The following MTRR variants were observed in gnomAD, a reference collection of about 807,000 sequenced individuals.
MTRR encodes the protein 5-methyltetrahydrofolate-homocysteine methyltransferase reductase.
In MTRR, 63 loss-of-function variants were observed where a neutral mutation model predicts 79.2. That is an observed-to-expected ratio of 0.80 (90% confidence interval 0.65 to 0.98). The LOEUF is 0.98. Among genes scored for constraint, MTRR ranks in the 50% least tolerant of loss-of-function variants. The pLI is 0.00. For missense variants in MTRR, 895 were observed against 839.6 expected (o/e 1.07, Z -0.82); for synonymous variants, 355 against 313.3 (o/e 1.13, Z -1.41).
At chr5:7,866,800 TAAAGC>T (rs1561106295), upstream of MTRR, 1 of 1,614,196 alleles carries the variant, frequency 6.2e-7, no homozygotes, top group Non-Finnish European at 8.5e-7. Flanking sequence ...GCTTTCTAAA[TAAAGC>T]AGAGGCATTT....
upstream of MTRR, chr5:7,868,085 C>A (rs371947698): frequency 1.5e-5 from 24 of 1,564,594 alleles, no homozygotes; most frequent in Non-Finnish European, 2.1e-5. Flanking sequence ...TAATGCCATA[C>A]CATCAGATTC....
intron 2 of MTRR, chr5:7,872,168 CATAGAGTCTTGG>C: frequency 2.3e-6 from 1 of 425,598 alleles, no homozygotes; most frequent in Non-Finnish European, 4.6e-6. Context: ...ACACAACTTA[CATAGAGTCTTGG>C]AAGCATTAAA....
rs1739245571 is a variant in MTRR at position 7,900,118 on chromosome 5, T to A, written c.*60T>A. ...TGACTGAAAGTACTAAAAGTCAGCT[T>A]TACTAGTGCCAAACCTTTAAATTTT... is the stretch of plus-strand genomic sequence containing the variant. On this transcript the variant is annotated 3_prime_UTR_variant, in exon 15 of 15. Coordinates refer to ENST00000440940, the MANE Select transcript of MTRR (RefSeq NM_002454.3). The A allele has an allele frequency of 2.5e-6, 4 of 1,587,066 alleles. No homozygotes were observed. Among genetic ancestry groups the A allele is most frequent in the Middle Eastern group, 3.6e-4 (2 of 5,514 alleles).
intron 1 of MTRR, among the ~76,000 whole-genome samples, chr5:7,858,446 C>T (rs1746320280): frequency 6.6e-6 from 1 of 151,970 alleles, no homozygotes; most frequent in Admixed American, 6.6e-5. Flanking sequence ...ATCTCCTGCT[C>T]AATCTCAATT....
intron 3 of MTRR, 106 bp from the exon 4 acceptor site, chr5:7,875,152 C>T (rs1748660173): frequency 7.3e-6 from 6 of 822,018 alleles, no homozygotes. Context: ...ATTACTCCAT[C>T]CATAAGAGCA....
intron 2 of MTRR, 75 bp downstream of exon 2, chr5:7,870,998 A>G (rs1193795587): frequency 3.3e-6 from 5 of 1,537,400 alleles, no homozygotes; most frequent in Non-Finnish European, 4.5e-6. Context: ...TTTATGAAAC[A>G]AAAGGACACT....
Position 7,892,913 on chromosome 5 carries a change from G to A in MTRR, c.1557G>A (p.Lys519=). 1 of 1,613,466 alleles carries A rather than the reference G, an allele frequency of 6.2e-7. No homozygotes were observed. ...ACAGCGGGAAAGCCCTGGCTCCTAAGGTAAGAAATTAGTACCTTAACCTCA... is the reference window on the plus strand; with the variant it reads ...ACAGCGGGAAAGCCCTGGCTCCTAAAGTAAGAAATTAGTACCTTAACCTCA... ...HEDSGKALAP[K]ISISPRTTNS... Residue 519 remains lysine (K), a splice_region_variant and synonymous_variant, in exon 11 of 15, where the codon AAG becomes AAA. Coordinates refer to ENST00000440940, the MANE Select transcript of MTRR (RefSeq NM_002454.3).
intron 1 of MTRR, chr5:7,861,793 A>G: frequency 7.2e-7 from 1 of 1,397,916 alleles, no homozygotes; most frequent in Non-Finnish European, 9.3e-7. Context: ...AATGACCACA[A>G]CCAAACAATG....
chr5:7,873,675 G>A, intron 3 of MTRR, 149 bp downstream of exon 3: 2 of 949,916 alleles, frequency 2.1e-6, no homozygotes, highest in Non-Finnish European at 3.2e-6. Flanking sequence ...TGTATGTAAT[G>A]TGCTACCTTT....
At chr5:7,884,303 A>G (rs370253183) in intron 6 of MTRR, among the ~76,000 whole-genome samples, 2 of 152,218 alleles carry the variant, frequency 1.3e-5, no homozygotes, top group African/African-American at 4.8e-5. Flanking sequence ...GTCCCTTAGT[A>G]TCTTCGAAGG....
At chr5:7,890,284 C>G (rs1231342848) in intron 9 of MTRR, 5 of 985,194 alleles carry the variant, frequency 5.1e-6, no homozygotes, top group Non-Finnish European at 6.0e-6. Flanking sequence ...TAGGACCTCC[C>G]CAAAATGCTA....
At chr5:7,864,158 A>G (rs1579545573), upstream of MTRR, among the ~76,000 whole-genome samples, 1 of 152,212 alleles carries the variant, frequency 6.6e-6, no homozygotes, top group African/African-American at 2.4e-5. Flanking sequence ...GCAAGAGTAC[A>G]TTTTAAATAT....
upstream of MTRR, chr5:7,866,033 A>G (rs921489337): frequency 3.0e-6 from 4 of 1,340,866 alleles, no homozygotes; most frequent in African/African-American, 4.3e-5. Flanking sequence ...TGAGGTATGT[A>G]TGAGAGAACA....
In MTRR at chr5:7,900,513, A is replaced by G. The variant is rs571860881; in HGVS notation, c.*455A>G. The G allele has an allele frequency of 2.2e-4, 38 of 171,332 alleles. No homozygotes were observed. In the South Asian group the frequency reaches 5.0e-3, roughly 23 times the overall value. 10.6% of individuals were successfully genotyped at this position (171,332 alleles called of 1,614,324 possible). A position where few individuals can be genotyped will look rare whatever the true frequency, so the allele number is the denominator to read the frequency against. ...ATACCCATAAAGAATGCTCATATTA[A>G]TGTACTTAAATTACACATGTAGAGC... On this transcript the variant is annotated 3_prime_UTR_variant, in exon 15 of 15. Transcript: ENST00000440940.
chr5:7,870,661 A>G, intron 1 of MTRR, 109 bp from the exon 2 acceptor site: 1 of 1,194,592 alleles, frequency 8.4e-7, no homozygotes, highest in South Asian at 1.3e-5. Flanking sequence ...GCCATTTCAT[A>G]TTATGTGTGG....
chr5:7,885,681 T>TC lies in MTRR; in HGVS notation c.904-19dup, dbSNP rs1554003810. ...ACACGTATAATGTATTTTTTTTTTT[T>TC]CATTTTGGCTCTTCTCTAGAATACA... On this transcript the variant is annotated intron_variant, in intron 6 of 14. Transcript: ENST00000440940. 7,797 of 1,583,702 alleles carry TC rather than the reference T, an allele frequency of 4.9e-3. No individual in the cohort carries two copies. The highest frequency in any genetic ancestry group is 5.8e-3 in the Non-Finnish European group (6,649 of 1,155,862).
chr5:7,857,660 C>T (rs558581801), intron 1 of MTRR, among the ~76,000 whole-genome samples: 4 of 152,274 alleles, frequency 2.6e-5, no homozygotes, highest in South Asian at 2.1e-4. Flanking sequence ...GTCAGGGTGC[C>T]GGAGGCCTCA....
intron 1 of MTRR, among the ~76,000 whole-genome samples, chr5:7,856,165 G>C (rs192241532): frequency 1.3e-5 from 2 of 152,188 alleles, no homozygotes; most frequent in Admixed American, 1.3e-4. Context: ...AATGTGGAAC[G>C]TTGTATGCAA....
chr5:7,874,330 C>A (rs1008733246), intron 3 of MTRR, among the ~76,000 whole-genome samples: 1 of 151,988 alleles, frequency 6.6e-6, no homozygotes, highest in Non-Finnish European at 1.5e-5. Flanking sequence ...GAGATTGTAA[C>A]CCTGGCAATG....
Sources: gnomAD v4.1 joint callset for allele counts (sites outside exome capture counted in the v4.1 genomes callset) on GRCh38, gnomAD v4.1.1 for gene constraint, MANE v1.5 for transcripts, NCBI Gene and HGNC (gene_info 2026-07-23, HGNC 2026-07-21) for gene names.